Variants in SLC36A1 observed in about 807,000 individuals in gnomAD.
The protein encoded by SLC36A1 is proton-coupled amino acid transporter 1.
Under a neutral mutation model 47.5 loss-of-function variants are expected in SLC36A1, and 30 were observed. That is an observed-to-expected ratio of 0.63 (90% CI 0.47 to 0.86). SLC36A1 has a LOEUF of 0.86. Among genes scored for constraint, SLC36A1 ranks in the 40% least tolerant of loss-of-function variants. The pLI, the probability that SLC36A1 is intolerant of heterozygous loss-of-function variation, is 0.00. For missense variants in SLC36A1, 517 were observed against 606.0 expected, an observed-to-expected ratio of 0.85 and a Z score of 1.54; for synonymous variants, 255 against 249.7, an observed-to-expected ratio of 1.02 and a Z score of -0.20.
the SLC36A1 span, among the ~76,000 whole-genome samples, chr5:151,541,543 G>T: frequency 6.6e-6 from 1 of 152,184 alleles, no homozygotes; most frequent in African/African-American, 2.4e-5. Context: ...ATAGCAGAAG[G>T]AGCCATGTTC....
chr5:151,505,536 C>T, the SLC36A1 span: 1 of 1,613,268 alleles, frequency 6.2e-7, no homozygotes, highest in South Asian at 1.1e-5. Flanking sequence ...TCCTTGGCCT[C>T]CCGCCTGCCT....
chr5:151,465,697 G>A (rs1756250145), intron 5 of SLC36A1, among the ~76,000 whole-genome samples: 1 of 152,170 alleles, frequency 6.6e-6, no homozygotes, highest in African/African-American at 2.4e-5. Context: ...TCAGTGCTCA[G>A]AGAGAGAGGA....
At chr5:151,380,863 G>C in the SLC36A1 span, 1 of 438,958 alleles carries the variant, frequency 2.3e-6, no homozygotes, top group Non-Finnish European at 4.6e-6. Context: ...GCAAAACAAA[G>C]GCAAGGGATG....
At chr5:151,525,652 G>A in the SLC36A1 span, 5 of 1,139,022 alleles carry the variant, frequency 4.4e-6, no homozygotes, top group Non-Finnish European at 6.4e-6. Context: ...CCCAGTGCCT[G>A]ATGCATCCTA....
chr5:151,466,704 T>C (rs2127492881), intron 5 of SLC36A1, among the ~76,000 whole-genome samples: 1 of 152,308 alleles, frequency 6.6e-6, no homozygotes, highest in South Asian at 2.1e-4. Flanking sequence ...GGGCTCCCTG[T>C]AACTAACAAA....
At chr5:151,368,611 T>G in the SLC36A1 span, among the ~76,000 whole-genome samples, 9 of 152,214 alleles carry the variant, frequency 5.9e-5, 1 homozygote, top group Non-Finnish European at 4.4e-5. Context: ...AACCACCTTC[T>G]TACCCTAGCT....
Position 151,489,517 on chromosome 5 carries a change from C to A in SLC36A1, c.*1263C>A, listed in dbSNP as rs892338726. 6.6e-6 allele frequency: 1 copy of A among 152,652 alleles called. No individual in the cohort carries two copies. Among genetic ancestry groups the A allele is most frequent in the Non-Finnish European group, 1.5e-5 (1 of 68,054 alleles). 9.5% of individuals were successfully genotyped at this position (152,652 alleles called of 1,614,324 possible). ...GGAAAAGGGCAGAACCAGTGCCCGG[C>A]CCCACACTGCCTCTGTGGCCTGGAC... On this transcript the variant is annotated 3_prime_UTR_variant, in exon 11 of 11. Coordinates refer to ENST00000243389, the MANE Select transcript of SLC36A1 (RefSeq NM_078483.4). This position sits in a 1 kb window ranked among gnomAD's most constrained non-coding sequence, Gnocchi z 4.5.
chr5:151,475,411 C>T (rs1757910088), intron 8 of SLC36A1, among the ~76,000 whole-genome samples: 1 of 152,188 alleles, frequency 6.6e-6, no homozygotes, highest in South Asian at 2.1e-4. Context: ...CTTTGTATTT[C>T]TATTTTTTTA....
chr5:151,464,476 T>G, intron 3 of SLC36A1, 38 bp from the exon 4 acceptor site: 1 of 1,566,542 alleles, frequency 6.4e-7, no homozygotes, highest in Non-Finnish European at 8.8e-7. Context: ...TTCTACCTAC[T>G]TTTCTCTCTC....
At chr5:151,550,599 C>G in the SLC36A1 span, 2 of 1,614,124 alleles carry the variant, frequency 1.2e-6, no homozygotes, top group Non-Finnish European at 1.7e-6. Flanking sequence ...CCATGACTGT[C>G]AGTGTGTGCT....
the SLC36A1 span, chr5:151,544,191 C>T: frequency 5.6e-6 from 9 of 1,614,100 alleles, no homozygotes; most frequent in Admixed American, 6.7e-5. Flanking sequence ...AGCCATCCTC[C>T]ACAATCTGAT....
chr5:151,458,558 G>A (rs1299717487), intron 1 of SLC36A1, among the ~76,000 whole-genome samples: 1 of 151,988 alleles, frequency 6.6e-6, no homozygotes, highest in African/African-American at 2.4e-5. Context: ...GTAGCACCAC[G>A]TATACCAATG....
chr5:151,387,831 C>T, the SLC36A1 span, among the ~76,000 whole-genome samples: 4 of 152,104 alleles, frequency 2.6e-5, no homozygotes, highest in Non-Finnish European at 4.4e-5. Flanking sequence ...TCTTCTCTTG[C>T]GCAAATTCCT....
chr5:151,511,327 A>C, the SLC36A1 span: 1 of 152,248 alleles, frequency 6.6e-6, no homozygotes, highest in Non-Finnish European at 1.5e-5. Context: ...TGTGATGTAT[A>C]GAATAGATGG....
chr5:151,478,078 A>G (rs1758318667), intron 9 of SLC36A1, among the ~76,000 whole-genome samples: 1 of 152,192 alleles, frequency 6.6e-6, no homozygotes, highest in Admixed American at 6.5e-5. Flanking sequence ...TTATCTATTC[A>G]TGGAGCAAGT....
At chr5:151,376,114 G>A in the SLC36A1 span, among the ~76,000 whole-genome samples, 1 of 152,122 alleles carries the variant, frequency 6.6e-6, no homozygotes, top group Non-Finnish European at 1.5e-5. Flanking sequence ...TGTTCAGTAT[G>A]GTATTGGCCA....
chr5:151,387,773 C>A, the SLC36A1 span, among the ~76,000 whole-genome samples: 3 of 152,186 alleles, frequency 2.0e-5, no homozygotes, highest in African/African-American at 7.2e-5. Context: ...AGCTTGTCTG[C>A]CATTTAAGGA....
At chr5:151,543,460 T>A in the SLC36A1 span, 1 of 1,614,062 alleles carries the variant, frequency 6.2e-7, no homozygotes, top group Non-Finnish European at 8.5e-7. Flanking sequence ...AGCCATGACC[T>A]TAATAGCAAT....
chr5:151,553,051 G>A, the SLC36A1 span: 1 of 871,534 alleles, frequency 1.1e-6, no homozygotes, highest in Non-Finnish European at 1.8e-6. Flanking sequence ...CCCACTCCGG[G>A]CTGAAAGAGG....
Sources: allele counts gnomAD v4.1 joint callset (sites outside exome capture counted in the v4.1 genomes callset), GRCh38; gene constraint gnomAD v4.1.1; non-coding constraint Gnocchi (gnomAD v3.1); transcripts MANE v1.5; gene names NCBI Gene and HGNC (gene_info 2026-07-23, HGNC 2026-07-21).